FSTL4: variants seen among roughly 807,000 people sequenced by gnomAD.
The protein encoded by FSTL4 is follistatin like 4, also known as follistatin-related protein 4.
In FSTL4, 28 loss-of-function variants were observed where a neutral mutation model predicts 78.2. The observed-to-expected ratio is 0.36, with a 90% confidence interval of 0.27 to 0.49. The LOEUF (loss-of-function observed/expected upper bound fraction) is 0.49. FSTL4 is among the 20% of genes least tolerant of loss of function. FSTL4 has a pLI of 0.98. For synonymous variants in FSTL4, 422 were observed against 440.5 expected (o/e 0.96, Z 0.53); for missense variants, 922 against 1,084.9 (o/e 0.85, Z 2.11).
At position 133,220,832 on chromosome 5, in the gene FSTL4, G is replaced by A. The variant is rs199589963; in HGVS notation, c.1374C>T (p.Ser458=). The change falls in exon 12 of 16, where the codon TCC becomes TCT. Residue 458 remains serine, a synonymous_variant. Transcript: ENST00000265342. ...LSVGNMFYVF[S]DDGIIVIHPV... ...GATGGATGACGATGATACCGTCGTC[G>A]GAGAAGACATAGAACATGTTTCCCA... The A allele has an allele frequency of 5.0e-5, 81 of 1,611,664 alleles. 1 individual carries two copies. In the African/African-American group the frequency reaches 6.7e-4, roughly 13 times the overall value.
At chr5:133,211,294 CTCT>C (rs1230643404) in intron 13 of FSTL4, among the ~76,000 whole-genome samples, 4 of 152,200 alleles carry the variant, frequency 2.6e-5, no homozygotes, top group Non-Finnish European at 4.4e-5. Context: ...TGGCCCCCTG[CTCT>C]TCTTCTTGTC....
intron 2 of FSTL4, among the ~76,000 whole-genome samples, chr5:133,571,054 C>T (rs557752282): frequency 6.0e-5 from 9 of 151,138 alleles, no homozygotes; most frequent in East Asian, 3.9e-4. Flanking sequence ...GAGCTACACA[C>T]ATAAAGGGCA....
At chr5:133,541,035 C>A (rs1759460811) in intron 3 of FSTL4, among the ~76,000 whole-genome samples, 1 of 152,148 alleles carries the variant, frequency 6.6e-6, no homozygotes, top group African/African-American at 2.4e-5. Context: ...CCTCCTGCCA[C>A]CAAAACCAAA....
chr5:133,717,874 A>G, the FSTL4 span, among the ~76,000 whole-genome samples: 1 of 152,234 alleles, frequency 6.6e-6, no homozygotes, highest in Non-Finnish European at 1.5e-5. Flanking sequence ...TAAAGCTGCT[A>G]TGAACTTTCA....
chr5:133,813,066 T>C, the FSTL4 span, among the ~76,000 whole-genome samples: 3 of 152,212 alleles, frequency 2.0e-5, no homozygotes, highest in African/African-American at 7.2e-5. Context: ...GAGAGGCTAA[T>C]ATGGGCCAGT....
chr5:133,565,081 T>C (rs1471978996), intron 3 of FSTL4, among the ~76,000 whole-genome samples: 1 of 152,190 alleles, frequency 6.6e-6, no homozygotes, highest in Non-Finnish European at 1.5e-5. Flanking sequence ...GGAAGCTTCC[T>C]CTCTAGACCT....
chr5:133,681,104 G>A, the FSTL4 span, among the ~76,000 whole-genome samples: 1 of 152,366 alleles, frequency 6.6e-6, no homozygotes, highest in Non-Finnish European at 1.5e-5. Context: ...GCAGTGAGCA[G>A]TGCAGCACCA....
chr5:133,574,657 T>C lies in FSTL4; in HGVS notation c.127-7438A>G, dbSNP rs73788158. On this transcript the variant is annotated intron_variant, in intron 2 of 15. Transcript: ENST00000265342. ...AAAATGCATGTATAAGAAGGCTGAA[T>C]GCAGCATGATATGTAATGCAAATGT... is the stretch of plus-strand genomic sequence containing the variant. 5.3e-3 allele frequency among the ~76,000 whole-genome samples: 800 copies of C among 152,330 alleles called. 7 individuals are homozygous for C. Among genetic ancestry groups the C allele is most frequent in the African/African-American group, 0.018 (768 of 41,576 alleles).
At chr5:133,567,464 C>T (rs1365506407) in intron 2 of FSTL4, among the ~76,000 whole-genome samples, 1 of 152,190 alleles carries the variant, frequency 6.6e-6, no homozygotes, top group Non-Finnish European at 1.5e-5. Flanking sequence ...ATGAGCACAG[C>T]TCATTCTCAG....
intron 3 of FSTL4, among the ~76,000 whole-genome samples, chr5:133,461,950 T>G (rs572085963): frequency 6.6e-6 from 1 of 152,288 alleles, no homozygotes; most frequent in East Asian, 1.9e-4. Flanking sequence ...TCTAGGCCTA[T>G]GCAGGTTTAG....
At chr5:133,654,554 A>G in the FSTL4 span, among the ~76,000 whole-genome samples, 4 of 152,092 alleles carry the variant, frequency 2.6e-5, no homozygotes, top group South Asian at 2.1e-4. Context: ...TGCATTCTCT[A>G]TGGTTTTCCA....
chr5:133,303,810 A>G (rs113924737), intron 6 of FSTL4, among the ~76,000 whole-genome samples: 3,127 of 152,322 alleles, frequency 0.021, 104 homozygotes, highest in African/African-American at 0.072. Context: ...TTTACCTTTC[A>G]GAAGCATGCC....
chr5:133,664,687 A>G, the FSTL4 span, among the ~76,000 whole-genome samples: 4 of 152,164 alleles, frequency 2.6e-5, no homozygotes, highest in African/African-American at 9.7e-5. Context: ...TGGGTTTTCT[A>G]CTTAGTTCTC....
intron 3 of FSTL4, among the ~76,000 whole-genome samples, chr5:133,495,362 C>T (rs562256971): frequency 1.3e-5 from 2 of 152,212 alleles, no homozygotes; most frequent in Non-Finnish European, 2.9e-5. Context: ...GGCAGGCACA[C>T]CCAGGAGGCA....
chr5:133,832,550 TCAGC>T, the FSTL4 span, among the ~76,000 whole-genome samples: 2 of 152,238 alleles, frequency 1.3e-5, no homozygotes, highest in African/African-American at 4.8e-5. Context: ...TGGTGAAATC[TCAGC>T]CAGATACTAG....
At chr5:133,261,418 CT>C (rs1247260663) in intron 6 of FSTL4, among the ~76,000 whole-genome samples, 2 of 152,182 alleles carry the variant, frequency 1.3e-5, no homozygotes, top group African/African-American at 2.4e-5. Context: ...ATGGACCCCC[CT>C]CTTAGCCGAG....
intron 2 of FSTL4, among the ~76,000 whole-genome samples, chr5:133,601,356 A>C (rs1760864434): frequency 6.6e-6 from 1 of 152,252 alleles, no homozygotes; most frequent in Non-Finnish European, 1.5e-5. Flanking sequence ...CTAACGTAAA[A>C]ATAAAAGAGT....
intron 3 of FSTL4, among the ~76,000 whole-genome samples, chr5:133,481,539 CAAA>C (rs34556142): frequency 1.1e-4 from 7 of 65,544 alleles, no homozygotes. Flanking sequence ...GAGACTGTCT[CAAA>C]AAAAAAAAAA....
At chr5:133,510,587 G>A (rs1251793056) in intron 3 of FSTL4, among the ~76,000 whole-genome samples, 1 of 152,060 alleles carries the variant, frequency 6.6e-6, no homozygotes, top group African/African-American at 2.4e-5. Flanking sequence ...AATTTTTCCA[G>A]CAGAAGGAGA....
Sources: gnomAD v4.1 joint callset for allele counts (sites outside exome capture counted in the v4.1 genomes callset) on GRCh38, gnomAD v4.1.1 for gene constraint, MANE v1.5 for transcripts, NCBI Gene and HGNC (gene_info 2026-07-23, HGNC 2026-07-21) for gene names.